The following SLC5A10 variants were observed in gnomAD, a reference collection of about 807,000 sequenced individuals.
SLC5A10 encodes the protein sodium/mannose cotransporter SLC5A10.
A neutral mutation model predicts 68.9 loss-of-function variants in SLC5A10; 55 were observed. The observed-to-expected ratio is 0.80, with a 90% CI of 0.64 to 1.00. SLC5A10 has a LOEUF of 1.00. SLC5A10 is among the 50% of genes least tolerant of loss of function. SLC5A10 has a pLI of 0.00. For missense variants in SLC5A10, 732 were observed against 819.3 expected, an observed-to-expected ratio of 0.89 and a Z score of 1.30; for synonymous variants, 344 against 344.8, an observed-to-expected ratio of 1.00 and a Z score of 0.02.
At chr17:18,978,667 G>A (rs1719989747) in intron 9 of SLC5A10, 4 of 1,612,856 alleles carry the variant, frequency 2.5e-6, no homozygotes, top group Non-Finnish European at 3.4e-6. Context: ...CGGGCACCAG[G>A]GGGACCACAG....
chr17:18,959,056 T>A lies in SLC5A10; in HGVS notation c.184-79T>A, dbSNP rs2042561247. 2.2e-6 allele frequency: 3 copies of A among 1,391,160 alleles called. No homozygotes were observed. In the East Asian group the frequency reaches 7.1e-5, roughly 33 times the overall value. The allele number at this position is 1,391,160 out of a possible 1,614,324, so 86.2% of individuals were successfully genotyped here. A position where few individuals can be genotyped will look rare whatever the true frequency, so the allele number is the denominator to read the frequency against. ...AGGACCCCGCTTAGGTTTGTGAGGA[T>A]GAGGGAGAAGCTATTAGGCCCAGGA... is the stretch of plus-strand genomic sequence containing the variant. On this transcript the variant is annotated intron_variant, in intron 2 of 14. Coordinates refer to ENST00000395645, the MANE Select transcript of SLC5A10 (RefSeq NM_001042450.4).
At chr17:18,954,900 G>A (rs147053122) in intron 1 of SLC5A10, among the ~76,000 whole-genome samples, 144 of 152,092 alleles carry the variant, frequency 9.5e-4, no homozygotes, top group African/African-American at 3.2e-3. Context: ...GTGAAAGCCC[G>A]TCTCTACTTT....
At chr17:18,957,699 C>T (rs1476503573) in intron 1 of SLC5A10, among the ~76,000 whole-genome samples, 3 of 152,148 alleles carry the variant, frequency 2.0e-5, no homozygotes, top group Non-Finnish European at 4.4e-5. Context: ...CTCTTGACCT[C>T]GTGATCCACC....
chr17:19,005,316 C>A (rs2043854127), intron 9 of SLC5A10, among the ~76,000 whole-genome samples: 1 of 152,222 alleles, frequency 6.6e-6, no homozygotes, highest in South Asian at 2.1e-4. Context: ...CCGACCTGAA[C>A]CCTAGGGCAG....
intron 1 of SLC5A10, among the ~76,000 whole-genome samples, chr17:18,957,399 TC>T (rs1161214443): frequency 6.6e-6 from 1 of 152,240 alleles, no homozygotes; most frequent in Non-Finnish European, 1.5e-5. Flanking sequence ...CTGCTTCTGT[TC>T]TTTTTATAAA....
At chr17:18,970,742 GCTGGGCCAGCGGGA>G in intron 7 of SLC5A10, 1 of 485,772 alleles carries the variant, frequency 2.1e-6, no homozygotes, top group Admixed American at 3.3e-5. Context: ...AGTGACTCCT[GCTGGGCCAGCGGGA>G]CACTGGGGTG....
chr17:18,977,841 G>C, intron 9 of SLC5A10: 3 of 1,610,536 alleles, frequency 1.9e-6, no homozygotes, highest in Non-Finnish European at 2.5e-6. Context: ...GCCACTGAGG[G>C]CCGTCGGGGG....
chr17:18,965,955 ACACCCAC>A (rs1202197930), intron 5 of SLC5A10, among the ~76,000 whole-genome samples: 1 of 152,152 alleles, frequency 6.6e-6, no homozygotes, highest in Non-Finnish European at 1.5e-5. Context: ...GTGGATTACC[ACACCCAC>A]CTGGTAGGAT....
rs774325073 is a variant in SLC5A10 at position 19,022,018 on chromosome 17, G to A, written c.*1587G>A. 4 of 1,597,874 alleles carry A rather than the reference G, an allele frequency of 2.5e-6. No individual in the cohort carries two copies. The highest frequency in any genetic ancestry group is 1.7e-4 in the Middle Eastern group (1 of 5,864). On this transcript the variant is annotated 3_prime_UTR_variant, in exon 15 of 15. Coordinates refer to ENST00000395645, the MANE Select transcript of SLC5A10 (RefSeq NM_001042450.4). Reference sequence around the variant, plus strand: ...AAGAAGCCAACGCGCCCGCAGGACCGGCCCCGCCACCAGTGGGGGTCTGGG... The same window carrying A: ...AAGAAGCCAACGCGCCCGCAGGACCAGCCCCGCCACCAGTGGGGGTCTGGG...
chr17:19,002,683 A>G (rs1347787318), intron 9 of SLC5A10, among the ~76,000 whole-genome samples: 1 of 152,230 alleles, frequency 6.6e-6, no homozygotes, highest in Non-Finnish European at 1.5e-5. Context: ...AGGCATTAGC[A>G]CCTGCTCATG....
At chr17:19,002,332 C>T (rs545575019) in intron 9 of SLC5A10, among the ~76,000 whole-genome samples, 12 of 152,360 alleles carry the variant, frequency 7.9e-5, no homozygotes, top group Admixed American at 2.6e-4. Flanking sequence ...AACTGGTCCC[C>T]TTGTTGGGCA....
intron 9 of SLC5A10, among the ~76,000 whole-genome samples, chr17:19,002,020 C>A (rs1160898383): frequency 3.9e-5 from 6 of 152,178 alleles, no homozygotes; most frequent in Non-Finnish European, 8.8e-5. Context: ...AGCCAGTCAT[C>A]CCCATCAGGC....
At chr17:18,990,938 C>T (rs1225242356) in intron 9 of SLC5A10, among the ~76,000 whole-genome samples, 1 of 152,194 alleles carries the variant, frequency 6.6e-6, no homozygotes, top group African/African-American at 2.4e-5. Flanking sequence ...GAGGCTAGAA[C>T]CCAGGGCCCT....
intron 8 of SLC5A10, chr17:18,975,602 G>A (rs2042956175): frequency 6.6e-6 from 1 of 152,176 alleles, no homozygotes; most frequent in South Asian, 2.1e-4. Context: ...GCTGAGGCAG[G>A]AGAATCCCTT....
In SLC5A10 at chr17:19,004,086, G is replaced by A. The variant is rs2043812001; in HGVS notation, c.983-9324G>A. 1.3e-6 allele frequency: 2 copies of A among 1,535,044 alleles called. No homozygotes were observed. The highest frequency in any genetic ancestry group is 1.8e-6 in the Non-Finnish European group (2 of 1,141,666). On this transcript the variant is annotated intron_variant, in intron 9 of 14. Transcript: ENST00000395645. The surrounding 1 kb of genome is among the most constrained non-coding windows in gnomAD (Gnocchi z 5.4). ...CTGCTGCCGGGGGTGGGTGGGCAAG[G>A]TCCAGCTCCTAGCTCCGGCCCAGCT...
Position 19,003,581 on chromosome 17 carries a change from G to C in SLC5A10, c.983-9829G>C, listed in dbSNP as rs2043789459. The C allele has an allele frequency of 6.3e-7, 1 of 1,598,200 alleles. No homozygotes were observed. The highest frequency in any genetic ancestry group is 8.5e-7 in the Non-Finnish European group (1 of 1,172,168). ...TTTGATGTGGGCCTGCCCGTCTATGGGGGGCTGCATGTAGACGCTAGCCCG... is the reference window on the plus strand; with the variant it reads ...TTTGATGTGGGCCTGCCCGTCTATGCGGGGCTGCATGTAGACGCTAGCCCG... On this transcript the variant is annotated intron_variant, in intron 9 of 14. Transcript: ENST00000395645. The surrounding 1 kb of genome is among the most constrained non-coding windows in gnomAD (Gnocchi z 4.5).
chr17:19,014,400 C>T (rs1431832336), intron 10 of SLC5A10, among the ~76,000 whole-genome samples: 1 of 152,202 alleles, frequency 6.6e-6, no homozygotes, highest in Non-Finnish European at 1.5e-5. Context: ...GGAGCCCTCA[C>T]TCCCACTCTG....
In SLC5A10 at chr17:19,021,624, C is replaced by T. The variant is rs1299189611; in HGVS notation, c.*1193C>T. 1 of 393,234 alleles carries T rather than the reference C, an allele frequency of 2.5e-6. No homozygotes were observed. The highest frequency in any genetic ancestry group is 2.1e-5 in the African/African-American group (1 of 48,558). The allele number at this position is 393,234 out of a possible 1,614,324, so 24.4% of individuals were successfully genotyped here. A position where few individuals can be genotyped will look rare whatever the true frequency, so the allele number is the denominator to read the frequency against. ...TAGGTTGAGCCTCCAGTGGGTGAAA[C>T]CTGGGAGTCCTCAACCTTCCTGGCA... On this transcript the variant is annotated 3_prime_UTR_variant, in exon 15 of 15. Transcript: ENST00000395645. The surrounding 1 kb of genome is among the most constrained non-coding windows in gnomAD (Gnocchi z 4.1).
At chr17:19,002,421 C>A (rs1597893330) in intron 9 of SLC5A10, among the ~76,000 whole-genome samples, 1 of 152,206 alleles carries the variant, frequency 6.6e-6, no homozygotes, top group Non-Finnish European at 1.5e-5. Context: ...GGTTTCTCTG[C>A]CCACGAACTT....
Sources: allele counts gnomAD v4.1 joint callset (sites outside exome capture counted in the v4.1 genomes callset), GRCh38; gene constraint gnomAD v4.1.1; non-coding constraint Gnocchi (gnomAD v3.1); transcripts MANE v1.5; gene names NCBI Gene and HGNC (gene_info 2026-07-23, HGNC 2026-07-21).